ANKRD44: variants seen among roughly 807,000 people sequenced by gnomAD.
ANKRD44 encodes serine/threonine-protein phosphatase 6 regulatory ankyrin repeat subunit B.
In ANKRD44, 35 loss-of-function variants were observed where a neutral mutation model predicts 116.0. That is an observed-to-expected ratio of 0.30 (90% CI 0.23 to 0.40). ANKRD44 has a LOEUF of 0.40. Ranked by LOEUF, ANKRD44 falls within the 10% of genes least tolerant of loss-of-function variation. The probability of loss-of-function intolerance (pLI) is 1.00; values close to 1 mark genes in which losing one functional copy is unlikely to be tolerated. For synonymous variants in ANKRD44, 435 were observed against 461.8 expected, an observed-to-expected ratio of 0.94 and a Z score of 0.74; for missense variants, 1,014 against 1,242.6, an observed-to-expected ratio of 0.82 and a Z score of 2.77.
chr2:197,136,528 G>T (rs768204196), intron 4 of ANKRD44, 64 bp downstream of exon 4: 3 of 1,477,610 alleles, frequency 2.0e-6, no homozygotes, highest in African/African-American at 2.8e-5. Flanking sequence ...TTCTTAATTC[G>T]CTAGCAAGAC....
chr2:196,997,331 T>C lies in ANKRD44; in HGVS notation c.2748+1006A>G, dbSNP rs148723416. On this transcript the variant is annotated intron_variant, in intron 25 of 27. Coordinates refer to ENST00000282272, the MANE Select transcript of ANKRD44 (RefSeq NM_001195144.2). ...ATACTACATATCTTCTAAAATACCATAAAACATGATGTTTAAAAGATATTA... is the reference window on the plus strand; with the variant it reads ...ATACTACATATCTTCTAAAATACCACAAAACATGATGTTTAAAAGATATTA... Among the ~76,000 whole-genome samples, 252 of 151,732 alleles carry C rather than the reference T, an allele frequency of 1.7e-3. 1 individual carries two copies. In the East Asian group the frequency reaches 0.03, roughly 18 times the overall value.
intron 1 of ANKRD44, among the ~76,000 whole-genome samples, chr2:197,233,398 C>T (rs181089568): frequency 2.6e-5 from 4 of 152,134 alleles, no homozygotes; most frequent in African/African-American, 9.6e-5. Flanking sequence ...GAAAATACTA[C>T]AAATAAATTT....
intron 16 of ANKRD44, among the ~76,000 whole-genome samples, chr2:197,057,421 G>A (rs899678490): frequency 1.3e-5 from 2 of 152,070 alleles, no homozygotes; most frequent in Non-Finnish European, 2.9e-5. Context: ...GAAGTTTTCA[G>A]TCTAAAATAC....
At chr2:197,007,658 G>A (rs2076223916) in intron 20 of ANKRD44, 148 bp downstream of exon 20, 5 of 611,240 alleles carry the variant, frequency 8.2e-6, no homozygotes, top group Non-Finnish European at 1.5e-5. Context: ...GACTGAATAA[G>A]GTTAATTGGT....
chr2:197,097,856 T>C (rs2078198016), intron 10 of ANKRD44, among the ~76,000 whole-genome samples: 2 of 152,204 alleles, frequency 1.3e-5, no homozygotes, highest in Admixed American at 6.5e-5. Flanking sequence ...ATGTAATTCT[T>C]TAGCAGGACT....
chr2:197,302,984 G>T (rs1488313551), intron 1 of ANKRD44, among the ~76,000 whole-genome samples: 1 of 152,214 alleles, frequency 6.6e-6, no homozygotes, highest in Non-Finnish European at 1.5e-5. Context: ...TGTAAGGATT[G>T]CTCCCTTTAT....
intron 3 of ANKRD44, among the ~76,000 whole-genome samples, chr2:197,143,357 C>G (rs1317238836): frequency 1.9e-5 from 2 of 108,094 alleles, no homozygotes; most frequent in Admixed American, 1.1e-4. Flanking sequence ...CCCCTCCCCC[C>G]ACCCCACAAC....
At chr2:197,091,834 C>T (rs1408966611) in intron 10 of ANKRD44, among the ~76,000 whole-genome samples, 1 of 152,158 alleles carries the variant, frequency 6.6e-6, no homozygotes, top group Non-Finnish European at 1.5e-5. Flanking sequence ...TTACATTGCA[C>T]ATTAACCCAC....
chr2:197,074,302 C>T (rs1016968657), intron 16 of ANKRD44, among the ~76,000 whole-genome samples: 2 of 152,196 alleles, frequency 1.3e-5, no homozygotes, highest in African/African-American at 4.8e-5. Flanking sequence ...AGCAGGACCT[C>T]TGAGGAGAGA....
At chr2:197,140,834 G>A (rs2079345535) in intron 3 of ANKRD44, among the ~76,000 whole-genome samples, 1 of 152,108 alleles carries the variant, frequency 6.6e-6, no homozygotes, top group South Asian at 2.1e-4. Context: ...AATTTCATGG[G>A]TGTTTGTATA....
intron 2 of ANKRD44, among the ~76,000 whole-genome samples, chr2:197,163,870 C>T (rs1452124923): frequency 2.6e-5 from 4 of 152,164 alleles, no homozygotes; most frequent in Non-Finnish European, 4.4e-5. Context: ...TCAGGTAATC[C>T]GCCCGCCTCG....
At chr2:197,132,830 A>T (rs1390108510) in intron 4 of ANKRD44, among the ~76,000 whole-genome samples, 1 of 152,212 alleles carries the variant, frequency 6.6e-6, no homozygotes, top group Non-Finnish European at 1.5e-5. Context: ...ACTAGGCAAG[A>T]TGCTAGAAAT....
intron 21 of ANKRD44, among the ~76,000 whole-genome samples, chr2:196,968,738 G>C (rs1044444143): frequency 1.3e-5 from 2 of 152,136 alleles, no homozygotes; most frequent in Non-Finnish European, 2.9e-5. Context: ...CTACTCTTAA[G>C]CCTTTGCCTT....
intron 25 of ANKRD44, among the ~76,000 whole-genome samples, chr2:196,997,702 G>A (rs1205737150): frequency 6.6e-6 from 1 of 151,844 alleles, no homozygotes; most frequent in African/African-American, 2.4e-5. Flanking sequence ...ACCTGCCTCG[G>A]CCTCCCAAAG....
Position 197,099,805 on chromosome 2 carries a change from C to T in ANKRD44, c.1100+11G>A, listed in dbSNP as rs188278255. The T allele has an allele frequency of 2.0e-4, 330 of 1,612,886 alleles. 1 individual carries two copies. The East Asian group carries it at 4.6e-3, about 23-fold the overall frequency. ...AGGCAATTATTCCACCGTATTTTTG[C>T]GGTAACCTACTTGGCTGTGTCAGCT... On this transcript the variant is annotated intron_variant, in intron 10 of 27. Transcript: ENST00000282272.
intron 1 of ANKRD44, among the ~76,000 whole-genome samples, chr2:197,207,951 T>A (rs1200814299): frequency 6.6e-6 from 1 of 152,178 alleles, no homozygotes; most frequent in Non-Finnish European, 1.5e-5. Context: ...CTATAAATTG[T>A]ACAGCCAGGA....
rs2077838209 is a variant in ANKRD44 at position 197,083,239 on chromosome 2, T to C, written c.1457+130A>G. 3 of 1,208,646 alleles carry C rather than the reference T, an allele frequency of 2.5e-6. No homozygotes were observed. The African/African-American group carries it at 4.6e-5, about 19-fold the overall frequency. 74.9% of individuals were successfully genotyped at this position (1,208,646 alleles called of 1,614,324 possible). A position where few individuals can be genotyped will look rare whatever the true frequency, so the allele number is the denominator to read the frequency against. Reference sequence around the variant, plus strand: ...GAACAGGAAAGCCCAGGTTTGGAATTAAGCAAATCTAACTCTTTTGGGTTA... The same window carrying C: ...GAACAGGAAAGCCCAGGTTTGGAATCAAGCAAATCTAACTCTTTTGGGTTA... On this transcript the variant is annotated intron_variant, in intron 14 of 27. Coordinates refer to ENST00000282272, the MANE Select transcript of ANKRD44 (RefSeq NM_001195144.2).
chr2:197,021,185 T>G (rs2076491977), intron 17 of ANKRD44, among the ~76,000 whole-genome samples: 1 of 152,228 alleles, frequency 6.6e-6, no homozygotes, highest in Non-Finnish European at 1.5e-5. Context: ...ATTTGCTTAA[T>G]CCAGCCTATC....
chr2:197,185,530 C>T (rs1395116465), intron 2 of ANKRD44, among the ~76,000 whole-genome samples: 1 of 152,198 alleles, frequency 6.6e-6, no homozygotes, highest in Non-Finnish European at 1.5e-5. Context: ...TTCAGTATTT[C>T]ACAATTGAAT....
Sources: gnomAD v4.1 joint callset for allele counts (sites outside exome capture counted in the v4.1 genomes callset) on GRCh38, gnomAD v4.1.1 for gene constraint, MANE v1.5 for transcripts, NCBI Gene and HGNC (gene_info 2026-07-23, HGNC 2026-07-21) for gene names.